The following ADGRA2 variants were observed in gnomAD, a reference collection of about 807,000 sequenced individuals.
ADGRA2 encodes G-protein coupled receptor 124.
Under a neutral mutation model 98.7 loss-of-function variants are expected in ADGRA2, and 61 were observed. The ratio of observed to expected loss-of-function variants is 0.62; its 90% CI spans 0.50 to 0.76. ADGRA2 has a LOEUF of 0.76. ADGRA2 is among the 30% of genes least tolerant of loss of function. The probability of loss-of-function intolerance (pLI) is 0.00; values close to 1 mark genes in which losing one functional copy is unlikely to be tolerated. For synonymous variants in ADGRA2, 858 were observed against 831.5 expected, an observed-to-expected ratio of 1.03 and a Z score of -0.55; for missense variants, 1,712 against 1,860.0, an observed-to-expected ratio of 0.92 and a Z score of 1.46.
At chr8:37,833,930 C>G (rs767266293) in intron 10 of ADGRA2, 37 bp from the exon 11 acceptor site, 1 of 1,605,066 alleles carries the variant, frequency 6.2e-7, no homozygotes, top group South Asian at 1.1e-5. Context: ...GGTCCCAAAC[C>G]CCGCCCCTGC....
In ADGRA2 at chr8:37,797,669, C is replaced by CTGT; in HGVS notation, c.266+135_266+136insTGT. 1.1e-6 allele frequency: 1 copy of CTGT among 873,502 alleles called. No individual in the cohort carries two copies. Among genetic ancestry groups the CTGT allele is most frequent in the Non-Finnish European group, 1.5e-6 (1 of 649,110 alleles). The allele number at this position is 873,502 out of a possible 1,614,324, so 54.1% of individuals were successfully genotyped here. A position where few individuals can be genotyped will look rare whatever the true frequency, so the allele number is the denominator to read the frequency against. Reference sequence around the variant, plus strand: ...TTTCTGGACAGGCCTGGGTTCAGGCCCCCAGAGGGGAAGATTGGAGGAGCA... The same window carrying CTGT: ...TTTCTGGACAGGCCTGGGTTCAGGCCTGTCCCAGAGGGGAAGATTGGAGGAGCA... On this transcript the variant is annotated intron_variant, in intron 1 of 18. Coordinates refer to ENST00000412232, the MANE Select transcript of ADGRA2 (RefSeq NM_032777.10). This position sits in a 1 kb window ranked among gnomAD's most constrained non-coding sequence, Gnocchi z 5.3.
intron 13 of ADGRA2, 34 bp from the exon 14 acceptor site, chr8:37,837,697 G>GT (rs1563352529): frequency 6.6e-7 from 1 of 1,521,744 alleles, no homozygotes; most frequent in Non-Finnish European, 8.9e-7. Context: ...GACACCCTGT[G>GT]TGTGTCTGTG....
At position 37,842,337 on chromosome 8, in the gene ADGRA2, G is replaced by A. The variant is rs1481690075; in HGVS notation, c.3999G>A (p.Lys1333=). Residue 1333 remains lysine (K), a synonymous_variant, in exon 19 of 19, where the codon AAG becomes AAA. Transcript: ENST00000412232. ...GCTGCATGAAGACCGGACTCTGGAA[G>A]AGCGAAACTACCGTCTAAGGTGGGG... ...SGGCMKTGLW[K]SETTV is the part of the protein sequence containing the mutation. 2.7e-6 allele frequency: 4 copies of A among 1,507,688 alleles called. No individual in the cohort carries two copies. Among genetic ancestry groups the A allele is most frequent in the Non-Finnish European group, 1.8e-6 (2 of 1,132,560 alleles). 93.4% of individuals were successfully genotyped at this position (1,507,688 alleles called of 1,614,324 possible). A position where few individuals can be genotyped will look rare whatever the true frequency, so the allele number is the denominator to read the frequency against.
intron 9 of ADGRA2, 103 bp downstream of exon 9, chr8:37,833,311 C>A: frequency 1.1e-6 from 1 of 897,916 alleles, no homozygotes; most frequent in African/African-American, 1.7e-5. Context: ...GGCCGCTGGG[C>A]TGTGCCTCCT....
At chr8:37,831,294 C>T in intron 7 of ADGRA2, 129 bp from the exon 8 acceptor site, 1 of 792,438 alleles carries the variant, frequency 1.3e-6, no homozygotes, top group Non-Finnish European at 2.0e-6. Flanking sequence ...AAAAGGAGTG[C>T]ATACTTGCAT....
Position 37,839,073 on chromosome 8 carries a change from C to T in ADGRA2, c.2377C>T (p.Leu793Phe). The T allele has an allele frequency of 6.2e-7, 1 of 1,608,994 alleles. No homozygotes were observed. The highest frequency in any genetic ancestry group is 1.1e-5 in the South Asian group (1 of 90,102). ...CLFATIITYILNHSSIRVSRK... is the reference protein window; with the variant it reads ...CLFATIITYIFNHSSIRVSRK... ...CTTCGCCACCATCATCACCTACATC[C>T]TCAACCACAGGTGGGTGCTCCTGCA... The change falls in exon 15 of 19, where the codon CTC (leucine) becomes TTC (phenylalanine). Residue 793 changes from leucine (L) to phenylalanine (F), a missense_variant. Coordinates refer to ENST00000412232, the MANE Select transcript of ADGRA2 (RefSeq NM_032777.10).
chr8:37,835,173 G>C lies in ADGRA2; in HGVS notation c.1609-1G>C. 6.2e-7 allele frequency: 1 copy of C among 1,611,684 alleles called. No homozygotes were observed. The highest frequency in any genetic ancestry group is 8.5e-7 in the Non-Finnish European group (1 of 1,178,050). ...TGGGATGACAAGGTCCCTGTCCCCA[G>C]AATGCGAGGAACGTGGCATTGGAGG... On this transcript the variant is annotated splice_acceptor_variant, in intron 11 of 18. Transcript: ENST00000412232. LOFTEE classifies it high-confidence loss of function.
intron 16 of ADGRA2, 92 bp from the exon 17 acceptor site, chr8:37,840,029 T>TGGAAGCC: frequency 2.4e-6 from 3 of 1,246,316 alleles, no homozygotes; most frequent in Non-Finnish European, 3.3e-6. Context: ...GGCCGGAGGC[T>TGGAAGCC]GGAAGCCTGG....
In ADGRA2 at chr8:37,842,424, A is replaced by C; in HGVS notation, c.*69A>C. 1 of 1,405,992 alleles carries C rather than the reference A, an allele frequency of 7.1e-7. No individual in the cohort carries two copies. The highest frequency in any genetic ancestry group is 9.3e-7 in the Non-Finnish European group (1 of 1,080,728). 87.1% of individuals were successfully genotyped at this position (1,405,992 alleles called of 1,614,324 possible). On this transcript the variant is annotated 3_prime_UTR_variant, in exon 19 of 19. Transcript: ENST00000412232. ...TTCCCCCGCTCCTCGGGGCCCTCCAAGGTGTCTCCGTAGTCAGCAGGTTGG... is the reference window on the plus strand; with the variant it reads ...TTCCCCCGCTCCTCGGGGCCCTCCACGGTGTCTCCGTAGTCAGCAGGTTGG...
chr8:37,803,153 G>A (rs185801833), intron 1 of ADGRA2, among the ~76,000 whole-genome samples: 1 of 152,320 alleles, frequency 6.6e-6, no homozygotes, highest in Admixed American at 6.5e-5. Flanking sequence ...TTTAAAGAAA[G>A]AGAGTGTTTC....
At chr8:37,839,134 C>A (rs1183946362) in intron 15 of ADGRA2, 51 bp downstream of exon 15, 32 of 1,606,436 alleles carry the variant, frequency 2.0e-5, no homozygotes, top group Non-Finnish European at 2.6e-5. Flanking sequence ...TGGAAGGGGC[C>A]CCTACCCTGT....
At chr8:37,828,640 A>AT (rs148517222) in intron 2 of ADGRA2, among the ~76,000 whole-genome samples, 1,498 of 134,736 alleles carry the variant, frequency 0.011, 13 homozygotes, top group African/African-American at 0.013. Flanking sequence ...CACCTGGCTA[A>AT]TTTTTTTTTT....
intron 8 of ADGRA2, among the ~76,000 whole-genome samples, chr8:37,832,719 G>C (rs747106864): frequency 2.6e-5 from 4 of 152,218 alleles, no homozygotes; most frequent in Non-Finnish European, 4.4e-5. Flanking sequence ...CTGTACAGCT[G>C]AGAATACTGA....
intron 11 of ADGRA2, 134 bp from the exon 12 acceptor site, chr8:37,835,040 A>G: frequency 1.6e-6 from 1 of 628,110 alleles, no homozygotes; most frequent in African/African-American, 1.9e-5. Flanking sequence ...AAAAAAAGAG[A>G]GAGAGGTGGC....
Position 37,797,537 on chromosome 8 carries a change from G to A in ADGRA2, c.266+3G>A, listed in dbSNP as rs2129872495. On this transcript the variant is annotated splice_donor_region_variant and intron_variant, in intron 1 of 18. Coordinates refer to ENST00000412232, the MANE Select transcript of ADGRA2 (RefSeq NM_032777.10). This position sits in a 1 kb window ranked among gnomAD's most constrained non-coding sequence, Gnocchi z 5.3. ...CTGCCTAACGGCACCGTTACCCTGT[G>A]AGTACCCTACCAGGCCAGTTCCGTC... 1 of 1,390,692 alleles carries A rather than the reference G, an allele frequency of 7.2e-7. No individual in the cohort carries two copies. Among genetic ancestry groups the A allele is most frequent in the Non-Finnish European group, 9.4e-7 (1 of 1,068,268 alleles). The allele number at this position is 1,390,692 out of a possible 1,614,324, so 86.1% of individuals were successfully genotyped here.
chr8:37,839,493 G>T lies in ADGRA2; in HGVS notation c.2388-6G>T. 6.2e-7 allele frequency: 1 copy of T among 1,614,000 alleles called. No homozygotes were observed. The highest frequency in any genetic ancestry group is 1.7e-4 in the Middle Eastern group (1 of 6,058). On this transcript the variant is annotated splice_polypyrimidine_tract_variant and splice_region_variant and intron_variant, in intron 15 of 18. Coordinates refer to ENST00000412232, the MANE Select transcript of ADGRA2 (RefSeq NM_032777.10). The stretch of plus-strand genomic sequence containing the variant: ...CGGCCATTAATTCGAGACTGTTTCC[G>T]GGCAGCTCCATCCGTGTGTCCCGGA...
In ADGRA2 at chr8:37,833,747, C is replaced by CGAG. The variant is rs771849742; in HGVS notation, c.1358_1360dup (p.Glu453dup). Reference sequence around the variant, plus strand: ...CTCACCAGCTGCGCGTGTACACAGCCGAGGCCGCTAGCTTTTCAGACATGA... The same window carrying CGAG: ...CTCACCAGCTGCGCGTGTACACAGCCGAGGAGGCCGCTAGCTTTTCAGACATGA... On this transcript the variant is annotated inframe_insertion, in exon 10 of 19. Transcript: ENST00000412232. 1.1e-5 allele frequency: 18 copies of CGAG among 1,614,166 alleles called. No homozygotes were observed. The highest frequency in any genetic ancestry group is 1.4e-5 in the Non-Finnish European group (17 of 1,179,996).
Position 37,833,147 on chromosome 8 carries a change from G to A in ADGRA2, c.1235G>A (p.Gly412Glu). ...RCDRAGRWEP[G>E]DYSHCLYTND... Reference sequence around the variant, plus strand: ...GACCGTGCCGGCCGCTGGGAGCCAGGGGACTACTCCCACTGTCTCTACACC... The same window carrying A: ...GACCGTGCCGGCCGCTGGGAGCCAGAGGACTACTCCCACTGTCTCTACACC... Residue 412 changes from glycine to glutamate, a missense_variant, in exon 9 of 19, where the codon GGG (glycine) becomes GAG (glutamate). Physicochemically the swap from Gly to Glu is moderately conservative, Grantham distance 98 (BLOSUM62 -2). Coordinates refer to ENST00000412232, the MANE Select transcript of ADGRA2 (RefSeq NM_032777.10). The A allele has an allele frequency of 1.2e-6, 2 of 1,613,160 alleles. No homozygotes were observed. Among genetic ancestry groups the A allele is most frequent in the Non-Finnish European group, 8.5e-7 (1 of 1,179,816 alleles).
Position 37,828,784 on chromosome 8 carries a change from G to A in ADGRA2, c.339-104G>A, listed in dbSNP as rs1281704002. 6 of 884,144 alleles carry A rather than the reference G, an allele frequency of 6.8e-6. No homozygotes were observed. The African/African-American group carries it at 1.0e-4, about 15-fold the overall frequency. The allele number at this position is 884,144 out of a possible 1,614,324, so 54.8% of individuals were successfully genotyped here. ...AGGTTTAGCAGGAAGTCAAGTCCCT[G>A]AGAAACCCAGCAACAACACCGTGGT... is the stretch of plus-strand genomic sequence containing the variant. On this transcript the variant is annotated intron_variant, in intron 2 of 18. Transcript: ENST00000412232.
Sources: gnomAD v4.1 joint callset for allele counts (sites outside exome capture counted in the v4.1 genomes callset) on GRCh38, gnomAD v4.1.1 for gene constraint, Gnocchi (gnomAD v3.1) non-coding constraint, MANE v1.5 for transcripts, NCBI Gene and HGNC (gene_info 2026-07-23, HGNC 2026-07-21) for gene names.